ZNF385B: variants seen among roughly 807,000 people sequenced by gnomAD.
ZNF385B encodes zinc finger protein 533.
In ZNF385B, 23 loss-of-function variants were observed where a neutral mutation model predicts 39.2. The observed-to-expected ratio is 0.59, with a 90% CI of 0.42 to 0.83. ZNF385B has a LOEUF of 0.83. ZNF385B is among the 40% of genes least tolerant of loss of function. ZNF385B has a pLI of 0.00. For missense variants in ZNF385B, 552 were observed against 598.9 expected (o/e 0.92, Z 0.82); for synonymous variants, 205 against 222.6 (o/e 0.92, Z 0.70).
chr2:179,676,515 A>G (rs1361997298), intron 3 of ZNF385B, among the ~76,000 whole-genome samples: 2 of 152,210 alleles, frequency 1.3e-5, no homozygotes, highest in Non-Finnish European at 2.9e-5. Flanking sequence ...TGAGGCCGAC[A>G]GTATTTTTAA....
At chr2:179,827,773 AC>A (rs1707760317) in intron 1 of ZNF385B, among the ~76,000 whole-genome samples, 1 of 152,110 alleles carries the variant, frequency 6.6e-6, no homozygotes, top group East Asian at 1.9e-4. Flanking sequence ...ACATCATAGA[AC>A]CTATGAATTG....
intron 3 of ZNF385B, among the ~76,000 whole-genome samples, chr2:179,764,200 A>C (rs1469377249): frequency 2.0e-5 from 3 of 152,162 alleles, no homozygotes; most frequent in Admixed American, 2.0e-4. Flanking sequence ...TTATCAGTAC[A>C]TAATGTCTTA....
At chr2:179,746,307 A>AC (rs1368120673) in intron 3 of ZNF385B, among the ~76,000 whole-genome samples, 1 of 152,208 alleles carries the variant, frequency 6.6e-6, no homozygotes, top group African/African-American at 2.4e-5. Context: ...ACGAGGACTT[A>AC]TAAAGGCTGC....
intron 3 of ZNF385B, among the ~76,000 whole-genome samples, chr2:179,725,744 G>A (rs1246537735): frequency 6.6e-6 from 1 of 151,112 alleles, no homozygotes; most frequent in Admixed American, 6.6e-5. Flanking sequence ...GTAGATATTT[G>A]ATAGCAATGA....
intron 3 of ZNF385B, among the ~76,000 whole-genome samples, chr2:179,617,099 T>C (rs983893032): frequency 2.6e-5 from 4 of 152,218 alleles, no homozygotes; most frequent in African/African-American, 9.6e-5. Context: ...TCTTGGCATT[T>C]AATAAACAGC....
intron 4 of ZNF385B, among the ~76,000 whole-genome samples, chr2:179,523,875 T>C (rs921234205): frequency 1.3e-5 from 2 of 152,172 alleles, no homozygotes; most frequent in Non-Finnish European, 2.9e-5. Context: ...CTTAAACTCA[T>C]AGGATCAAAT....
At chr2:179,475,416 T>C (rs1057238155) in intron 6 of ZNF385B, among the ~76,000 whole-genome samples, 26 of 151,934 alleles carry the variant, frequency 1.7e-4, no homozygotes, top group Non-Finnish European at 3.5e-4. Flanking sequence ...CATGCCCAGC[T>C]AATTTTTGTA....
At chr2:179,732,292 T>A (rs1056990300) in intron 3 of ZNF385B, among the ~76,000 whole-genome samples, 3 of 152,256 alleles carry the variant, frequency 2.0e-5, no homozygotes. Context: ...GTTGTCCAGT[T>A]GGCTCTTTAT....
chr2:179,540,151 A>T (rs1486887173), intron 4 of ZNF385B, among the ~76,000 whole-genome samples: 1 of 152,216 alleles, frequency 6.6e-6, no homozygotes. Context: ...AGATTAAAAA[A>T]CAGTGACAGT....
chr2:179,720,483 A>C (rs1575339315), intron 3 of ZNF385B, among the ~76,000 whole-genome samples: 1 of 84,242 alleles, frequency 1.2e-5, no homozygotes, highest in Non-Finnish European at 2.2e-5. Context: ...AGCAGGGATG[A>C]GGGGAGAGAA....
At position 179,716,718 on chromosome 2, in the gene ZNF385B, A is replaced by C. The variant is rs182351368; in HGVS notation, c.298+52785T>G. 3.7e-3 allele frequency among the ~76,000 whole-genome samples: 571 copies of C among 152,292 alleles called. 3 individuals carry two copies. Among genetic ancestry groups the C allele is most frequent in the South Asian group, 0.018 (88 of 4,820 alleles). The stretch of plus-strand genomic sequence containing the variant: ...TGGCAGTGAATGTCTTTCTGAGGCT[A>C]GGTCATTAAAGGTGATGAAGCTGAG... On this transcript the variant is annotated intron_variant, in intron 3 of 9. Transcript: ENST00000410066.
intron 1 of ZNF385B, among the ~76,000 whole-genome samples, chr2:179,819,222 T>A (rs1350335055): frequency 6.6e-6 from 1 of 152,154 alleles, no homozygotes; most frequent in Non-Finnish European, 1.5e-5. Context: ...ACCAGGAAAT[T>A]CAGCAAACTT....
intron 3 of ZNF385B, among the ~76,000 whole-genome samples, chr2:179,612,357 C>T (rs1689359423): frequency 6.6e-6 from 1 of 152,128 alleles, no homozygotes; most frequent in Admixed American, 6.6e-5. Context: ...TTGTATGCAT[C>T]CTTCTTGGAG....
Position 179,527,986 on chromosome 2 carries a change from G to GA in ZNF385B, c.442-9349dup, listed in dbSNP as rs151314618. Among the ~76,000 whole-genome samples, 1,014 of 151,842 alleles carry GA rather than the reference G, an allele frequency of 6.7e-3. 13 individuals carry two copies. The highest frequency in any genetic ancestry group is 0.024 in the African/African-American group (973 of 41,370). The stretch of plus-strand genomic sequence containing the variant: ...TGGGAAAGAAACAATATTTTACCAG[G>GA]AAAATTTTTAAAAACACATTTTTGT... On this transcript the variant is annotated intron_variant, in intron 4 of 9. Coordinates refer to ENST00000410066, the MANE Select transcript of ZNF385B (RefSeq NM_152520.6).
At chr2:179,677,620 T>C (rs115102501) in intron 3 of ZNF385B, among the ~76,000 whole-genome samples, 210 of 152,332 alleles carry the variant, frequency 1.4e-3, no homozygotes, top group African/African-American at 4.8e-3. Context: ...TGAAAAGATC[T>C]ACTAATTGCC....
In ZNF385B at chr2:179,524,874, C is replaced by T. The variant is rs1434222483; in HGVS notation, c.442-6236G>A. 3.9e-5 allele frequency among the ~76,000 whole-genome samples: 6 copies of T among 151,918 alleles called. No homozygotes were observed. The East Asian group carries it at 1.2e-3, about 29-fold the overall frequency. ...ACAGTGACATCCATGTGTTATTCTC[C>T]CAGGGGTATTTTCTTTTTCTTTTTT... On this transcript the variant is annotated intron_variant, in intron 4 of 9. Coordinates refer to ENST00000410066, the MANE Select transcript of ZNF385B (RefSeq NM_152520.6).
chr2:179,555,342 G>A (rs1574772993), intron 3 of ZNF385B, among the ~76,000 whole-genome samples: 1 of 149,354 alleles, frequency 6.7e-6, no homozygotes, highest in Non-Finnish European at 1.5e-5. Flanking sequence ...GAGGTGGAGG[G>A]TGAGAGGACT....
chr2:179,638,018 T>A (rs1453858269), intron 3 of ZNF385B, among the ~76,000 whole-genome samples: 2 of 152,206 alleles, frequency 1.3e-5, no homozygotes, highest in Admixed American at 6.6e-5. Flanking sequence ...AAAGCAGCAT[T>A]TATCTGCATA....
chr2:179,754,087 A>G (rs1182490293), intron 3 of ZNF385B, among the ~76,000 whole-genome samples: 1 of 152,066 alleles, frequency 6.6e-6, no homozygotes, highest in Non-Finnish European at 1.5e-5. Flanking sequence ...AATAGCTCTT[A>G]TTATTTTCAG....
Sources: gnomAD v4.1 joint callset for allele counts (sites outside exome capture counted in the v4.1 genomes callset) on GRCh38, gnomAD v4.1.1 for gene constraint, MANE v1.5 for transcripts, NCBI Gene and HGNC (gene_info 2026-07-23, HGNC 2026-07-21) for gene names.